TMEM184B: variants seen among roughly 807,000 people sequenced by gnomAD.
TMEM184B encodes the protein putative MAPK-activating protein FM08.
In TMEM184B, 17 loss-of-function variants were observed where a neutral mutation model predicts 41.8. The observed-to-expected ratio is 0.41, with a 90% CI of 0.28 to 0.61. TMEM184B has a LOEUF of 0.61. Ranked by LOEUF, TMEM184B falls within the 20% of genes least tolerant of loss-of-function variation. TMEM184B has a pLI of 0.34. For synonymous variants in TMEM184B, 240 were observed against 229.5 expected, an observed-to-expected ratio of 1.05 and a Z score of -0.41; for missense variants, 393 against 557.8, an observed-to-expected ratio of 0.70 and a Z score of 2.98.
At chr22:38,245,413 C>T (rs932949907) in intron 3 of TMEM184B, among the ~76,000 whole-genome samples, 7 of 142,610 alleles carry the variant, frequency 4.9e-5, no homozygotes, top group African/African-American at 1.8e-4. Context: ...GAAGCGAGAC[C>T]CAGGGGGAGG....
In TMEM184B at chr22:38,220,846, G is replaced by A. The variant is rs1411595734; in HGVS notation, c.*623C>T. The A allele has an allele frequency of 1.0e-6, 1 of 986,138 alleles. No individual in the cohort carries two copies. The allele number at this position is 986,138 out of a possible 1,614,324, so 61.1% of individuals were successfully genotyped here. A position where few individuals can be genotyped will look rare whatever the true frequency, so the allele number is the denominator to read the frequency against. Reference sequence around the variant, plus strand: ...TGCTTCAACAGAAGCGGTGCCCAGGGGCCCTGAATGCCCTTCCTGGGTGGG... The same window carrying A: ...TGCTTCAACAGAAGCGGTGCCCAGGAGCCCTGAATGCCCTTCCTGGGTGGG... On this transcript the variant is annotated 3_prime_UTR_variant, in exon 9 of 9. Coordinates refer to ENST00000361906, the MANE Select transcript of TMEM184B (RefSeq NM_012264.5).
chr22:38,246,984 A>C (rs1480340179), intron 2 of TMEM184B: 4 of 727,004 alleles, frequency 5.5e-6, no homozygotes, highest in Non-Finnish European at 8.1e-6. Context: ...GGCAGCTGGC[A>C]AGGGGCTGAC....
Position 38,246,078 on chromosome 22 carries a change from T to A in TMEM184B, c.215A>T (p.Tyr72Phe), listed in dbSNP as rs760745263. 1 of 1,611,952 alleles carries A rather than the reference T, an allele frequency of 6.2e-7. No individual in the cohort carries two copies. Among genetic ancestry groups the A allele is most frequent in the African/African-American group, 1.3e-5 (1 of 75,048 alleles). ...CHQIYMHLRC[Y>F]SCPNEQRYIV... ...GTAGCGCTGCTCGTTGGGGCAGCTGTAGCAGCGCAGGTGCATGTAGATCTG... is the reference window on the plus strand; with the variant it reads ...GTAGCGCTGCTCGTTGGGGCAGCTGAAGCAGCGCAGGTGCATGTAGATCTG... Residue 72 changes from tyrosine (Y) to phenylalanine (F), a missense_variant, in exon 3 of 9, where the codon TAC becomes TTC. Physicochemically the swap from Tyr to Phe is conservative, Grantham distance 22. Coordinates refer to ENST00000361906, the MANE Select transcript of TMEM184B (RefSeq NM_012264.5).
At chr22:38,224,532 T>C (rs1426632157) in intron 8 of TMEM184B, among the ~76,000 whole-genome samples, 1 of 152,218 alleles carries the variant, frequency 6.6e-6, no homozygotes, top group Non-Finnish European at 1.5e-5. Flanking sequence ...ACAGTCTCTG[T>C]CTGTATCAGC....
intron 1 of TMEM184B, chr22:38,272,679 G>T: frequency 2.0e-6 from 2 of 985,502 alleles, no homozygotes; most frequent in Non-Finnish European, 1.2e-6. Context: ...GCGACCTCGC[G>T]GGGCGGAGAG....
At chr22:38,242,887 C>T (rs191079351) in intron 3 of TMEM184B, among the ~76,000 whole-genome samples, 1 of 152,058 alleles carries the variant, frequency 6.6e-6, no homozygotes, top group African/African-American at 2.4e-5. Context: ...CATGGTGAAA[C>T]CCCGTCTCTA....
intron 1 of TMEM184B, among the ~76,000 whole-genome samples, chr22:38,265,380 G>C (rs568255206): frequency 6.6e-6 from 1 of 152,110 alleles, no homozygotes; most frequent in African/African-American, 2.4e-5. Flanking sequence ...GTGCTTTCCA[G>C]GTCTAAGCAG....
At chr22:38,224,727 G>T in intron 8 of TMEM184B, 58 bp downstream of exon 8, 1 of 1,506,844 alleles carries the variant, frequency 6.6e-7, no homozygotes, top group South Asian at 1.3e-5. Context: ...GAGGGTCCTG[G>T]GATGTTTGGG....
chr22:38,224,278 C>A (rs942132903), intron 8 of TMEM184B, among the ~76,000 whole-genome samples: 2 of 152,140 alleles, frequency 1.3e-5, no homozygotes, highest in African/African-American at 4.8e-5. Flanking sequence ...CCACGCCCGG[C>A]TAATTTTTTG....
At chr22:38,224,024 T>C (rs1464054359) in intron 8 of TMEM184B, 1 of 152,262 alleles carries the variant, frequency 6.6e-6, no homozygotes, top group Non-Finnish European at 1.5e-5. Context: ...TACTTACCAC[T>C]GTTCTAGCAA....
chr22:38,272,394 G>A (rs952917004), intron 1 of TMEM184B: 21 of 836,130 alleles, frequency 2.5e-5, no homozygotes, highest in Non-Finnish European at 3.0e-5. Context: ...CCTGTGTGGC[G>A]GGCGTGTACA....
In TMEM184B at chr22:38,238,104, C is replaced by T. The variant is rs374620992; in HGVS notation, c.359-6770G>A. ...TGTGAGCCACTGCGCCCAGCCCCCT[C>T]GCGGCTTTTTTATCCTCTGCTGATC... On this transcript the variant is annotated intron_variant, in intron 3 of 8. Coordinates refer to ENST00000361906, the MANE Select transcript of TMEM184B (RefSeq NM_012264.5). 8.6e-5 allele frequency among the ~76,000 whole-genome samples: 13 copies of T among 151,790 alleles called. No homozygotes were observed. The South Asian group carries it at 1.7e-3, about 19-fold the overall frequency.
chr22:38,237,801 CTT>C (rs563345165), intron 3 of TMEM184B, among the ~76,000 whole-genome samples: 49 of 139,414 alleles, frequency 3.5e-4, no homozygotes, highest in Admixed American at 5.8e-4. Context: ...TCCCTACTGT[CTT>C]TTTTTTTTTT....
intron 1 of TMEM184B, among the ~76,000 whole-genome samples, chr22:38,271,793 C>G (rs916068294): frequency 6.6e-6 from 1 of 152,186 alleles, no homozygotes; most frequent in South Asian, 2.1e-4. Context: ...AACTCTGATA[C>G]GCACAGCACC....
intron 8 of TMEM184B, 36 bp from the exon 9 acceptor site, chr22:38,221,746 G>A (rs1182324052): frequency 3.1e-6 from 5 of 1,606,362 alleles, no homozygotes; most frequent in Admixed American, 1.7e-5. Context: ...AGGTGAGGAG[G>A]CTGGGACGGT....
At position 38,248,018 on chromosome 22, in the gene TMEM184B, G is replaced by A; in HGVS notation, c.-57C>T. On this transcript the variant is annotated splice_region_variant and 5_prime_UTR_variant, in exon 2 of 9. Transcript: ENST00000361906. ...AACCTTTGCAGAAAGTGACAAGCTA[G>A]CCTAGAGAGAAGAAATTGCAATGTG... 6.7e-7 allele frequency: 1 copy of A among 1,495,584 alleles called. No homozygotes were observed. The highest frequency in any genetic ancestry group is 1.3e-5 in the South Asian group (1 of 78,908). The allele number at this position is 1,495,584 out of a possible 1,614,324, so 92.6% of individuals were successfully genotyped here. A position where few individuals can be genotyped will look rare whatever the true frequency, so the allele number is the denominator to read the frequency against.
chr22:38,228,939 C>A (rs1247854938), intron 5 of TMEM184B, among the ~76,000 whole-genome samples: 2 of 152,216 alleles, frequency 1.3e-5, no homozygotes, highest in East Asian at 3.8e-4. Flanking sequence ...GGTGGCTGCA[C>A]CAACTGGTAA....
At chr22:38,265,536 C>A (rs2092431900) in intron 1 of TMEM184B, among the ~76,000 whole-genome samples, 1 of 151,984 alleles carries the variant, frequency 6.6e-6, no homozygotes, top group Non-Finnish European at 1.5e-5. Context: ...GGCAATTCAC[C>A]CCTCTGAGCC....
chr22:38,226,275 T>C lies in TMEM184B; in HGVS notation c.617+504A>G, dbSNP rs1159931544. The C allele has an allele frequency of 6.5e-6, 1 of 155,028 alleles. No individual in the cohort carries two copies. The highest frequency in any genetic ancestry group is 2.4e-5 in the African/African-American group (1 of 41,514). 9.6% of individuals were successfully genotyped at this position (155,028 alleles called of 1,614,324 possible). ...TTTGTATTTTTAGTAGTGATGGGGT[T>C]TCACCATGTTGGCCAGGCTGGTCTT... On this transcript the variant is annotated intron_variant, in intron 6 of 8. Coordinates refer to ENST00000361906, the MANE Select transcript of TMEM184B (RefSeq NM_012264.5). This position sits in a 1 kb window ranked among gnomAD's most constrained non-coding sequence, Gnocchi z 4.6.
Sources: allele counts gnomAD v4.1 joint callset (sites outside exome capture counted in the v4.1 genomes callset), GRCh38; gene constraint gnomAD v4.1.1; non-coding constraint Gnocchi (gnomAD v3.1); transcripts MANE v1.5; gene names NCBI Gene and HGNC (gene_info 2026-07-23, HGNC 2026-07-21).